The following SNX29 variants were observed in gnomAD, a reference collection of about 807,000 sequenced individuals.
The protein encoded by SNX29 is sorting nexin 29.
A neutral mutation model predicts 102.1 loss-of-function variants in SNX29; 78 were observed. The observed-to-expected ratio is 0.76, with a 90% CI of 0.64 to 0.92. SNX29 has a LOEUF of 0.92. Ranked by LOEUF, SNX29 falls within the 40% of genes least tolerant of loss-of-function variation. The pLI is 0.00. For missense variants in SNX29, 1,280 were observed against 1,061.7 expected (o/e 1.21, Z -2.86); for synonymous variants, 580 against 414.5 (o/e 1.40, Z -4.85).
intron 13 of SNX29, among the ~76,000 whole-genome samples, chr16:12,193,343 G>A (rs907416279): frequency 2.0e-5 from 3 of 151,916 alleles, no homozygotes; most frequent in Non-Finnish European, 4.4e-5. Context: ...AGTGGTGGGT[G>A]CCGGTAATCC....
chr16:12,066,787 G>C (rs1385149254), intron 9 of SNX29, among the ~76,000 whole-genome samples: 2 of 151,854 alleles, frequency 1.3e-5, no homozygotes, highest in Admixed American at 1.3e-4. Flanking sequence ...GGCCATTCCA[G>C]TTGACCAGGT....
intron 9 of SNX29, 146 bp downstream of exon 9, chr16:12,061,792 T>A (rs1447999404): frequency 1.5e-6 from 1 of 662,498 alleles, no homozygotes; most frequent in Non-Finnish European, 2.6e-6. Flanking sequence ...GGGAGCTCAC[T>A]GAGATGCAGA....
chr16:12,233,408 A>G (rs1276904448), intron 14 of SNX29, among the ~76,000 whole-genome samples: 1 of 152,220 alleles, frequency 6.6e-6, no homozygotes, highest in South Asian at 2.1e-4. Context: ...GGACAGGAAG[A>G]TGCTAACAAT....
chr16:12,063,563 G>C lies in SNX29; in HGVS notation c.1243+1917G>C, dbSNP rs894610145. On this transcript the variant is annotated intron_variant, in intron 9 of 20. Transcript: ENST00000566228. ...CTAAATTCTTTTTGTATTTTTAGTA[G>C]AGATGGCGTTTCGCCATGTTGGCCA... is the stretch of plus-strand genomic sequence containing the variant. Among the ~76,000 whole-genome samples the C allele has an allele frequency of 2.6e-5, 4 of 151,952 alleles. No homozygotes were observed. The East Asian group carries it at 7.8e-4, about 29-fold the overall frequency.
In SNX29 at chr16:12,048,670, C is replaced by T. The variant is rs749240619; in HGVS notation, c.748+50C>T. 9.9e-6 allele frequency: 16 copies of T among 1,613,536 alleles called. No homozygotes were observed. Among genetic ancestry groups the T allele is most frequent in the African/African-American group, 5.3e-5 (4 of 74,874 alleles). ...CGGAGCAGAGGGAATCAGAATGTGG[C>T]GGATGGGGTGGACATATCTTGTCAT... On this transcript the variant is annotated intron_variant, in intron 7 of 20. Transcript: ENST00000566228.
intron 9 of SNX29, among the ~76,000 whole-genome samples, chr16:12,063,121 G>C (rs1006698199): frequency 5.9e-5 from 9 of 152,106 alleles, no homozygotes; most frequent in Admixed American, 2.6e-4. Context: ...GAGAGTGGGG[G>C]GTGTGATTAT....
chr16:12,532,158 T>C (rs1261011378), intron 20 of SNX29, among the ~76,000 whole-genome samples: 1 of 152,220 alleles, frequency 6.6e-6, no homozygotes, highest in East Asian at 1.9e-4. Context: ...AACTGTGTGT[T>C]CCTGGCTCTG....
Position 12,080,669 on chromosome 16 carries a change from C to T in SNX29, c.1402+1754C>T, listed in dbSNP as rs191609280. Among the ~76,000 whole-genome samples the T allele has an allele frequency of 6.7e-4, 101 of 151,764 alleles. 1 individual carries two copies. The highest frequency in any genetic ancestry group is 3.1e-3 in the Admixed American group (47 of 15,244). ...CGCTGGGATGACAGGCATGAGCCAC[C>T]GTGCCCGGCCTACTACAGTTTACTT... On this transcript the variant is annotated intron_variant, in intron 11 of 20. Transcript: ENST00000566228.
chr16:12,055,112 G>A (rs183498047), intron 8 of SNX29, among the ~76,000 whole-genome samples: 90 of 152,138 alleles, frequency 5.9e-4, no homozygotes, highest in African/African-American at 2.0e-3. Flanking sequence ...GGGCTGAGGC[G>A]GACGTTCTGT....
chr16:12,104,602 C>A (rs918950528), intron 11 of SNX29, among the ~76,000 whole-genome samples: 1 of 151,760 alleles, frequency 6.6e-6, no homozygotes, highest in African/African-American at 2.4e-5. Flanking sequence ...AACCAAGAAA[C>A]TTGTTGCCAC....
At chr16:12,350,461 A>G (rs1357233306) in intron 15 of SNX29, among the ~76,000 whole-genome samples, 1 of 152,176 alleles carries the variant, frequency 6.6e-6, no homozygotes, top group East Asian at 1.9e-4. Context: ...GTGCCCATGG[A>G]TTTTGCTATC....
At chr16:12,244,947 A>G (rs2078216943) in intron 14 of SNX29, among the ~76,000 whole-genome samples, 1 of 152,238 alleles carries the variant, frequency 6.6e-6, no homozygotes, top group Non-Finnish European at 1.5e-5. Context: ...GCAATTTATT[A>G]GCAGATCTAA....
At chr16:12,059,531 A>G (rs2050681558) in intron 8 of SNX29, among the ~76,000 whole-genome samples, 1 of 152,114 alleles carries the variant, frequency 6.6e-6, no homozygotes, top group Non-Finnish European at 1.5e-5. Flanking sequence ...TGCTAGGATT[A>G]TTTCCTCCTG....
At chr16:12,566,488 G>T (rs928696650) in intron 20 of SNX29, among the ~76,000 whole-genome samples, 9 of 152,224 alleles carry the variant, frequency 5.9e-5, no homozygotes, top group African/African-American at 2.2e-4. Flanking sequence ...AATGATGATG[G>T]TGGTTGCAGG....
chr16:12,109,127 CAAAAAAA>C (rs71139575), intron 11 of SNX29, among the ~76,000 whole-genome samples: 99 of 33,296 alleles, frequency 3.0e-3, no homozygotes, highest in Middle Eastern at 0.021. Context: ...GGCGCTGTCT[CAAAAAAA>C]AAAAAAAAAA....
intron 14 of SNX29, among the ~76,000 whole-genome samples, chr16:12,211,533 T>C (rs1341737116): frequency 6.6e-6 from 1 of 152,142 alleles, no homozygotes; most frequent in Non-Finnish European, 1.5e-5. Flanking sequence ...TAGTCAGGGT[T>C]CTCCACAAAA....
intron 16 of SNX29, among the ~76,000 whole-genome samples, chr16:12,395,182 C>T (rs913388888): frequency 1.3e-5 from 2 of 152,102 alleles, no homozygotes; most frequent in Non-Finnish European, 2.9e-5. Flanking sequence ...TTGGCAGAAC[C>T]TCTAGTGTCT....
chr16:12,060,966 C>A lies in SNX29; in HGVS notation c.1125-562C>A, dbSNP rs1375359329. ...TTACCCACGAGGGGCTCAGATGCAG[C>A]GAGGCGGAGCAACGCTAGCCCTAGG... On this transcript the variant is annotated intron_variant, in intron 8 of 20. Transcript: ENST00000566228. 9.9e-5 allele frequency: 42 copies of A among 424,500 alleles called. No homozygotes were observed. The Admixed American group carries it at 1.1e-3, about 11-fold the overall frequency. The allele number at this position is 424,500 out of a possible 1,614,324, so 26.3% of individuals were successfully genotyped here. A position where few individuals can be genotyped will look rare whatever the true frequency, so the allele number is the denominator to read the frequency against.
rs145342457 is a variant in SNX29 at position 12,564,103 on chromosome 16, C to A, written c.2319-4403C>A. Among the ~76,000 whole-genome samples, 740 of 152,268 alleles carry A rather than the reference C, an allele frequency of 4.9e-3. 5 individuals carry two copies. Among genetic ancestry groups the A allele is most frequent in the African/African-American group, 0.017 (722 of 41,542 alleles). ...GTTTGTAATATCTTTGTAAAATCCT[C>A]CTTGATTGGGTGTGGTGGATCGTGC... On this transcript the variant is annotated intron_variant, in intron 20 of 20. Transcript: ENST00000566228.
Sources: allele counts gnomAD v4.1 joint callset (sites outside exome capture counted in the v4.1 genomes callset), GRCh38; gene constraint gnomAD v4.1.1; transcripts MANE v1.5; gene names NCBI Gene and HGNC (gene_info 2026-07-23, HGNC 2026-07-21).